Variants in PSPH observed in about 807,000 individuals in gnomAD.
The protein encoded by PSPH is phosphoserine phosphatase.
A neutral mutation model predicts 23.4 loss-of-function variants in PSPH; 16 were observed. That is an observed-to-expected ratio of 0.68 (90% CI 0.46 to 1.04). PSPH has a LOEUF of 1.04. Ranked by LOEUF, PSPH falls within the 50% of genes least tolerant of loss-of-function variation. The probability of loss-of-function intolerance (pLI) is 0.00; values close to 1 mark genes in which losing one functional copy is unlikely to be tolerated. For missense variants in PSPH, 223 were observed against 273.7 expected (o/e 0.81, Z 1.31); for synonymous variants, 68 against 99.7 (o/e 0.68, Z 1.89).
At chr7:56,015,289 G>A (rs919946473) in intron 6 of PSPH, 118 bp from the exon 7 acceptor site, 15 of 1,164,576 alleles carry the variant, frequency 1.3e-5, no homozygotes, top group East Asian at 9.4e-5. Context: ...AATGGCCGTC[G>A]GTAAAGTCAC....
chr7:56,019,675 G>A lies in PSPH; in HGVS notation c.200C>T (p.Ala67Val). ...CTGCTCCCTGGAGGGCTGGATGAGG[G>A]CTAAGCGCTCTGTGAGAGCAGCTTT... ...PFKAALTERL[A>V]LIQPSREQVQ... is the part of the protein sequence containing the mutation. Residue 67 changes from alanine to valine, a missense_variant, in exon 5 of 8, where the codon GCC becomes GTC. By Grantham distance (64) the Ala-to-Val change is moderately conservative. Coordinates refer to ENST00000275605, the MANE Select transcript of PSPH (RefSeq NM_004577.4). The A allele has an allele frequency of 6.2e-7, 1 of 1,613,918 alleles. No homozygotes were observed. Among genetic ancestry groups the A allele is most frequent in the South Asian group, 1.1e-5 (1 of 91,078 alleles).
intron 3 of PSPH, among the ~76,000 whole-genome samples, chr7:56,022,114 G>A (rs73140779): frequency 0.044 from 6,696 of 152,032 alleles, 278 homozygotes; most frequent in East Asian, 0.21. Flanking sequence ...GATTGCTTGA[G>A]GCCAGGAGTT....
intron 6 of PSPH, among the ~76,000 whole-genome samples, chr7:56,015,595 C>G (rs1168968639): frequency 6.6e-6 from 1 of 152,094 alleles, no homozygotes; most frequent in Non-Finnish European, 1.5e-5. Flanking sequence ...CTTTAAGCTT[C>G]CAGTAATTCT....
chr7:56,040,830 G>C (rs1367164905), intron 1 of PSPH, among the ~76,000 whole-genome samples: 1 of 152,026 alleles, frequency 6.6e-6, no homozygotes, highest in East Asian at 1.9e-4. Context: ...AGCTGTTCAT[G>C]ACACAGTGCA....
intron 3 of PSPH, among the ~76,000 whole-genome samples, chr7:56,023,148 C>A: frequency 6.6e-6 from 1 of 152,046 alleles, no homozygotes; most frequent in Non-Finnish European, 1.5e-5. Flanking sequence ...TGCAGGACCA[C>A]CACCTTTATG....
intron 3 of PSPH, among the ~76,000 whole-genome samples, chr7:56,023,835 C>T (rs1393874759): frequency 1.3e-5 from 2 of 152,060 alleles, no homozygotes; most frequent in East Asian, 3.8e-4. Flanking sequence ...GGTCAGCAAA[C>T]TATAGCTTGT....
rs374495629 is a variant in PSPH at position 56,041,151 on chromosome 7, C to T, written c.-291-7045G>A. Among the ~76,000 whole-genome samples, 4 of 151,906 alleles carry T rather than the reference C, an allele frequency of 2.6e-5. No homozygotes were observed. In the South Asian group the frequency reaches 6.2e-4, roughly 24 times the overall value. ...GGCCAAGGCGAGAGGATTGCTTGAG[C>T]CCAGGAATGCAAGACCAGCTTGATT... On this transcript the variant is annotated intron_variant, in intron 1 of 7. Coordinates refer to ENST00000275605, the MANE Select transcript of PSPH (RefSeq NM_004577.4).
intron 7 of PSPH, among the ~76,000 whole-genome samples, chr7:56,014,602 G>A (rs927795853): frequency 2.0e-5 from 3 of 151,998 alleles, no homozygotes; most frequent in African/African-American, 7.2e-5. Flanking sequence ...CCATCTTCCT[G>A]CCTCGACCTC....
intron 4 of PSPH, among the ~76,000 whole-genome samples, chr7:56,020,124 CAGG>C (rs1789147695): frequency 6.6e-6 from 1 of 151,650 alleles, no homozygotes; most frequent in Non-Finnish European, 1.5e-5. Flanking sequence ...GAGGCTGAGG[CAGG>C]AGAATTGCTG....
intron 5 of PSPH, among the ~76,000 whole-genome samples, chr7:56,018,295 G>T (rs996343076): frequency 2.0e-5 from 3 of 151,968 alleles, no homozygotes; most frequent in African/African-American, 7.2e-5. Context: ...AGTGAGCCGA[G>T]ACTGCACCAC....
intron 6 of PSPH, among the ~76,000 whole-genome samples, chr7:56,016,490 T>C (rs1562785020): frequency 1.3e-5 from 2 of 151,724 alleles, no homozygotes; most frequent in Non-Finnish European, 1.5e-5. Context: ...GGCACCGCTA[T>C]GGACCAGAGA....
chr7:56,014,765 G>A (rs1486339996), intron 7 of PSPH, among the ~76,000 whole-genome samples: 2 of 152,058 alleles, frequency 1.3e-5, no homozygotes, highest in Admixed American at 6.6e-5. Context: ...CCAACGTGGC[G>A]AAACATTGTC....
intron 4 of PSPH, among the ~76,000 whole-genome samples, chr7:56,020,481 C>A (rs577409441): frequency 6.6e-6 from 1 of 151,658 alleles, no homozygotes; most frequent in Non-Finnish European, 1.5e-5. Context: ...AAAAATTAGC[C>A]GAGCGTGGTG....
chr7:56,048,505 T>A (rs1175797052), intron 1 of PSPH, among the ~76,000 whole-genome samples: 1 of 152,120 alleles, frequency 6.6e-6, no homozygotes, highest in African/African-American at 2.4e-5. Flanking sequence ...ATGACATAAT[T>A]AGCAAAATTT....
At position 56,011,562 on chromosome 7, in the gene PSPH, G is replaced by A. The variant is rs1787914689; in HGVS notation, c.*200C>T. On this transcript the variant is annotated 3_prime_UTR_variant, in exon 8 of 8. Transcript: ENST00000275605. Reference sequence around the variant, plus strand: ...AAAAAACCTCTCCAGGAAATCAATAGTCATCATATAATACTGGAACTACAG... The same window carrying A: ...AAAAAACCTCTCCAGGAAATCAATAATCATCATATAATACTGGAACTACAG... 2 of 398,318 alleles carry A rather than the reference G, an allele frequency of 5.0e-6. No individual in the cohort carries two copies. Among genetic ancestry groups the A allele is most frequent in the Non-Finnish European group, 9.0e-6 (2 of 221,208 alleles). The allele number at this position is 398,318 out of a possible 1,614,324, so 24.7% of individuals were successfully genotyped here.
At chr7:56,046,879 T>C (rs1016650418) in intron 1 of PSPH, among the ~76,000 whole-genome samples, 1 of 150,966 alleles carries the variant, frequency 6.6e-6, no homozygotes, top group African/African-American at 2.4e-5. Flanking sequence ...TCATACCAAG[T>C]AGTGAGTGGG....
chr7:56,016,236 T>TA lies in PSPH; in HGVS notation c.421+997dup, dbSNP rs903790424. ...CAACATGATGAAACCCCGACTCTAC[T>TA]AAAAAAAAAATACAAAAATTAGCCA... On this transcript the variant is annotated intron_variant, in intron 6 of 7. Coordinates refer to ENST00000275605, the MANE Select transcript of PSPH (RefSeq NM_004577.4). Among the ~76,000 whole-genome samples, 344 of 145,126 alleles carry TA rather than the reference T, an allele frequency of 2.4e-3. 1 individual carries two copies. Among genetic ancestry groups the TA allele is most frequent in the Non-Finnish European group, 4.2e-3 (276 of 65,752 alleles).
At chr7:56,025,612 G>A (rs1209580674) in intron 3 of PSPH, among the ~76,000 whole-genome samples, 8 of 144,560 alleles carry the variant, frequency 5.5e-5, no homozygotes, top group Non-Finnish European at 1.1e-4. Context: ...TTTTTGAGAC[G>A]GAGTCTTGCT....
chr7:56,046,107 T>C (rs1448676655), intron 1 of PSPH, among the ~76,000 whole-genome samples: 2 of 151,840 alleles, frequency 1.3e-5, no homozygotes, highest in Non-Finnish European at 2.9e-5. Flanking sequence ...ATCTATTGCT[T>C]TTGTTGTTGT....
Sources: gnomAD v4.1 joint callset for allele counts (sites outside exome capture counted in the v4.1 genomes callset) on GRCh38, gnomAD v4.1.1 for gene constraint, MANE v1.5 for transcripts, NCBI Gene and HGNC (gene_info 2026-07-23, HGNC 2026-07-21) for gene names.